Variants in ATP6V0D2 observed in about 807,000 individuals in gnomAD.
ATP6V0D2 encodes the protein V-type proton ATPase subunit d 2.
A neutral mutation model predicts 40.0 loss-of-function variants in ATP6V0D2; 40 were observed. That is an observed-to-expected ratio of 1.00 (90% CI 0.78 to 1.30). The LOEUF is 1.30. Among genes scored for constraint, ATP6V0D2 ranks in the 50% most tolerant of loss-of-function variants. The pLI, the probability that ATP6V0D2 is intolerant of heterozygous loss-of-function variation, is 0.00. For missense variants in ATP6V0D2, 470 were observed against 423.1 expected (o/e 1.11, Z -0.97); for synonymous variants, 179 against 156.3 (o/e 1.15, Z -1.08).
At chr8:86,116,076 GA>G (rs1252541700) in intron 2 of ATP6V0D2, among the ~76,000 whole-genome samples, 2 of 151,794 alleles carry the variant, frequency 1.3e-5, no homozygotes, top group African/African-American at 2.4e-5. Flanking sequence ...ATATCTTTAA[GA>G]AAAAAAGAAA....
intron 1 of ATP6V0D2, among the ~76,000 whole-genome samples, chr8:86,104,850 T>TACACAC (rs146266622): frequency 0.032 from 4,740 of 146,044 alleles, 269 homozygotes; most frequent in African/African-American, 0.11. Context: ...TTAAAACACA[T>TACACAC]ACACACACAC....
intron 2 of ATP6V0D2, among the ~76,000 whole-genome samples, chr8:86,114,675 T>G (rs1207610802): frequency 8.5e-6 from 1 of 118,100 alleles, no homozygotes; most frequent in African/African-American, 2.9e-5. Context: ...ATCTCAAAAA[T>G]AAAATAAATT....
At chr8:86,130,564 T>C (rs1015046407) in intron 2 of ATP6V0D2, among the ~76,000 whole-genome samples, 1 of 151,936 alleles carries the variant, frequency 6.6e-6, no homozygotes, top group African/African-American at 2.4e-5. Context: ...ATGAGCTAAA[T>C]AGAAAAAGAA....
intron 1 of ATP6V0D2, among the ~76,000 whole-genome samples, chr8:86,113,169 T>C (rs866705760): frequency 6.6e-6 from 1 of 151,736 alleles, no homozygotes; most frequent in African/African-American, 2.4e-5. Flanking sequence ...TAATACCAGA[T>C]TTCTTAGTAA....
At chr8:86,149,999 A>C in intron 5 of ATP6V0D2, 113 bp from the exon 6 acceptor site, 1 of 1,001,204 alleles carries the variant, frequency 1.0e-6, no homozygotes, top group Non-Finnish European at 1.5e-6. Context: ...ATAATTAGAC[A>C]TAGATCCAGA....
chr8:86,119,788 C>T (rs1207493013), intron 2 of ATP6V0D2, among the ~76,000 whole-genome samples: 1 of 152,062 alleles, frequency 6.6e-6, no homozygotes, highest in African/African-American at 2.4e-5. Flanking sequence ...AGTATTGTTA[C>T]TAAAGGATAT....
intron 1 of ATP6V0D2, among the ~76,000 whole-genome samples, chr8:86,101,181 G>A (rs187757476): frequency 2.1e-4 from 31 of 150,450 alleles, no homozygotes; most frequent in African/African-American, 6.6e-4. Context: ...AAAATAGGTC[G>A]GGTATAGTGG....
intron 2 of ATP6V0D2, among the ~76,000 whole-genome samples, chr8:86,119,221 A>C (rs1176739657): frequency 6.8e-6 from 1 of 148,006 alleles, no homozygotes; most frequent in African/African-American, 2.5e-5. Context: ...CTTGTTTCCT[A>C]ATCATAGGAT....
intron 5 of ATP6V0D2, 70 bp downstream of exon 5, chr8:86,143,024 C>A: frequency 9.6e-7 from 1 of 1,043,558 alleles, no homozygotes; most frequent in Non-Finnish European, 1.4e-6. Flanking sequence ...TTTAACCTTA[C>A]TTATATTTCC....
chr8:86,141,618 C>A, intron 4 of ATP6V0D2, 89 bp downstream of exon 4: 3 of 873,474 alleles, frequency 3.4e-6, no homozygotes, highest in Middle Eastern at 3.5e-4. Context: ...TACTCATTAA[C>A]CAACTTCTGC....
chr8:86,141,654 A>G, intron 4 of ATP6V0D2, 125 bp downstream of exon 4: 1 of 649,500 alleles, frequency 1.5e-6, no homozygotes. Flanking sequence ...CATATTTGGA[A>G]TATAGCTTTT....
intron 2 of ATP6V0D2, among the ~76,000 whole-genome samples, chr8:86,123,286 G>A (rs1034842697): frequency 6.6e-6 from 1 of 152,210 alleles, no homozygotes; most frequent in Non-Finnish European, 1.5e-5. Flanking sequence ...AGTCCTTGTA[G>A]CTGCTAAGTA....
chr8:86,133,394 C>G (rs1818853557), intron 2 of ATP6V0D2, among the ~76,000 whole-genome samples: 1 of 142,614 alleles, frequency 7.0e-6, no homozygotes, highest in Non-Finnish European at 1.5e-5. Context: ...ACCATCTCGG[C>G]TCACTGCAAC....
At chr8:86,142,326 T>C (rs1563565045) in intron 4 of ATP6V0D2, among the ~76,000 whole-genome samples, 1 of 152,164 alleles carries the variant, frequency 6.6e-6, no homozygotes, top group Non-Finnish European at 1.5e-5. Flanking sequence ...CTGGCAAAAA[T>C]ATGATGTTTA....
intron 1 of ATP6V0D2, among the ~76,000 whole-genome samples, chr8:86,105,625 T>C (rs1818460939): frequency 6.9e-6 from 1 of 145,374 alleles, no homozygotes; most frequent in Non-Finnish European, 1.5e-5. Flanking sequence ...TCTTTTCTTT[T>C]TTTTTTTTTT....
chr8:86,142,844 T>C, intron 4 of ATP6V0D2, 33 bp from the exon 5 acceptor site: 1 of 1,343,540 alleles, frequency 7.4e-7, no homozygotes. Flanking sequence ...TATATATTCA[T>C]TATATCACTT....
At chr8:86,112,611 A>G (rs1045737262) in intron 1 of ATP6V0D2, among the ~76,000 whole-genome samples, 1 of 152,264 alleles carries the variant, frequency 6.6e-6, no homozygotes, top group South Asian at 2.1e-4. Flanking sequence ...TAATGTTACC[A>G]GTAGGGTAAC....
intron 2 of ATP6V0D2, among the ~76,000 whole-genome samples, chr8:86,117,173 T>C (rs1818601299): frequency 6.6e-6 from 1 of 152,214 alleles, no homozygotes; most frequent in African/African-American, 2.4e-5. Context: ...TTTTTTGCTG[T>C]GGAAACATTG....
At chr8:86,149,886 G>A (rs1195644114) in intron 5 of ATP6V0D2, among the ~76,000 whole-genome samples, 2 of 152,052 alleles carry the variant, frequency 1.3e-5, no homozygotes, top group African/African-American at 4.8e-5. Flanking sequence ...GGGGTTTCAG[G>A]AGTCATAGGT....
Sources: gnomAD v4.1 joint callset for allele counts (sites outside exome capture counted in the v4.1 genomes callset) on GRCh38, gnomAD v4.1.1 for gene constraint, MANE v1.5 for transcripts, NCBI Gene and HGNC (gene_info 2026-07-23, HGNC 2026-07-21) for gene names.